The following RIMS1 variants were observed in gnomAD, a reference collection of about 807,000 sequenced individuals.
RIMS1 encodes regulating synaptic membrane exocytosis 1, also known as regulating synaptic membrane exocytosis protein 1.
Under a neutral mutation model 214.1 loss-of-function variants are expected in RIMS1, and 83 were observed. The observed-to-expected ratio is 0.39, with a 90% CI of 0.32 to 0.47. The LOEUF is 0.47. Among genes scored for constraint, RIMS1 ranks in the 20% least tolerant of loss-of-function variants. RIMS1 has a pLI of 0.99. For missense variants in RIMS1, 2,050 were observed against 2,161.8 expected, an observed-to-expected ratio of 0.95 and a Z score of 1.03; for synonymous variants, 793 against 786.8, an observed-to-expected ratio of 1.01 and a Z score of -0.13.
intron 1 of RIMS1, among the ~76,000 whole-genome samples, chr6:71,910,853 G>A (rs1776678884): frequency 6.6e-6 from 1 of 152,084 alleles, no homozygotes; most frequent in African/African-American, 2.4e-5. Context: ...CTACCTTTTG[G>A]CCTAGTAAAC....
chr6:72,345,673 C>CAGA (rs1027995832), intron 29 of RIMS1, among the ~76,000 whole-genome samples: 3 of 151,504 alleles, frequency 2.0e-5, no homozygotes, highest in African/African-American at 4.8e-5. Flanking sequence ...TGCCTTTTTT[C>CAGA]ACTTTAAAAA....
At chr6:72,004,646 CTT>C (rs1462894472) in intron 2 of RIMS1, among the ~76,000 whole-genome samples, 1 of 150,632 alleles carries the variant, frequency 6.6e-6, no homozygotes, top group Non-Finnish European at 1.5e-5. Context: ...TTTCATGTGT[CTT>C]TTGGCTGCAT....
At chr6:72,121,669 G>T (rs542537995) in intron 4 of RIMS1, among the ~76,000 whole-genome samples, 2 of 151,870 alleles carry the variant, frequency 1.3e-5, no homozygotes, top group South Asian at 4.2e-4. Flanking sequence ...GATTGCCCTG[G>T]TCAGAACTTC....
intron 2 of RIMS1, among the ~76,000 whole-genome samples, chr6:72,001,980 G>C (rs1240844287): frequency 6.6e-6 from 1 of 152,104 alleles, no homozygotes; most frequent in Non-Finnish European, 1.5e-5. Flanking sequence ...TATAATGTAA[G>C]CTGTTCAAAT....
intron 1 of RIMS1, among the ~76,000 whole-genome samples, chr6:71,963,342 A>G (rs778737233): frequency 2.8e-4 from 43 of 152,182 alleles, no homozygotes; most frequent in Non-Finnish European, 5.7e-4. Context: ...TCATCGGCCA[A>G]GTAGGAGAAT....
intron 2 of RIMS1, among the ~76,000 whole-genome samples, chr6:71,999,388 A>C (rs1804437179): frequency 6.6e-6 from 1 of 152,306 alleles, no homozygotes; most frequent in Middle Eastern, 3.4e-3. Flanking sequence ...CATAACATAC[A>C]TAGTCCTGGC....
intron 29 of RIMS1, among the ~76,000 whole-genome samples, chr6:72,363,659 A>G (rs9446629): frequency 0.02 from 3,001 of 152,310 alleles, 95 homozygotes; most frequent in African/African-American, 0.07. Context: ...CTGGAAACAT[A>G]CAAAAAAGAT....
At chr6:72,338,249 C>T (rs1435485938) in intron 29 of RIMS1, among the ~76,000 whole-genome samples, 1 of 151,746 alleles carries the variant, frequency 6.6e-6, no homozygotes, top group Non-Finnish European at 1.5e-5. Context: ...CTCTCCAGCA[C>T]CTGTTGTTTC....
At chr6:71,947,655 T>C (rs1788282347) in intron 1 of RIMS1, among the ~76,000 whole-genome samples, 1 of 152,104 alleles carries the variant, frequency 6.6e-6, no homozygotes, top group Non-Finnish European at 1.5e-5. Context: ...TTAATAACAA[T>C]ATATTGTATA....
At chr6:71,988,665 G>A (rs1429469183) in intron 2 of RIMS1, among the ~76,000 whole-genome samples, 1 of 152,138 alleles carries the variant, frequency 6.6e-6, no homozygotes, top group South Asian at 2.1e-4. Context: ...GAAAAGAATT[G>A]AGCATCTTCA....
At position 72,238,704 on chromosome 6, in the gene RIMS1, C is replaced by G. The variant is rs553038343; in HGVS notation, c.1957+782C>G. Reference sequence around the variant, plus strand: ...GTTAGATGGCTGTTTATGTATTTGCCAGACAACTATAAAGGAAACAGAGTT... The same window carrying G: ...GTTAGATGGCTGTTTATGTATTTGCGAGACAACTATAAAGGAAACAGAGTT... On this transcript the variant is annotated intron_variant, in intron 9 of 33. Coordinates refer to ENST00000521978, the MANE Select transcript of RIMS1 (RefSeq NM_014989.7). 2.6e-5 allele frequency among the ~76,000 whole-genome samples: 4 copies of G among 152,052 alleles called. No individual in the cohort carries two copies. In the South Asian group the frequency reaches 8.3e-4, roughly 32 times the overall value.
At chr6:72,211,803 T>A (rs1052572618) in intron 6 of RIMS1, among the ~76,000 whole-genome samples, 5 of 152,188 alleles carry the variant, frequency 3.3e-5, no homozygotes, top group African/African-American at 1.2e-4. Flanking sequence ...TAGGTTTTTA[T>A]CTGTACTTTC....
Position 72,154,642 on chromosome 6 carries a change from T to C in RIMS1, c.472-24933T>C, listed in dbSNP as rs1415110824. ...AGATAAGAGTACATTTGTGAGAATCTAGGAGTTCACTGAAGTTCCAGCACA... is the reference window on the plus strand; with the variant it reads ...AGATAAGAGTACATTTGTGAGAATCCAGGAGTTCACTGAAGTTCCAGCACA... On this transcript the variant is annotated intron_variant, in intron 4 of 33. Transcript: ENST00000521978. Among the ~76,000 whole-genome samples, 2 of 140,642 alleles carry C rather than the reference T, an allele frequency of 1.4e-5. 1 individual carries two copies. The highest frequency in any genetic ancestry group is 3.2e-5 in the Non-Finnish European group (2 of 61,884). The allele number at this position is 140,642 out of a possible 152,430, so 92.3% of individuals were successfully genotyped here. A position where few individuals can be genotyped will look rare whatever the true frequency, so the allele number is the denominator to read the frequency against.
At chr6:72,069,094 A>G (rs901466810) in intron 2 of RIMS1, among the ~76,000 whole-genome samples, 1 of 152,118 alleles carries the variant, frequency 6.6e-6, no homozygotes, top group African/African-American at 2.4e-5. Flanking sequence ...GGAGGCTAAC[A>G]ATGGTTGTAA....
intron 6 of RIMS1, among the ~76,000 whole-genome samples, chr6:72,215,090 G>A (rs1292545931): frequency 6.6e-6 from 1 of 152,180 alleles, no homozygotes; most frequent in Non-Finnish European, 1.5e-5. Context: ...GACAAAATGA[G>A]TATATTGGTT....
intron 26 of RIMS1, among the ~76,000 whole-genome samples, chr6:72,299,097 G>A (rs1431139568): frequency 1.3e-5 from 2 of 151,818 alleles, no homozygotes; most frequent in African/African-American, 4.8e-5. Flanking sequence ...CAGTTTTAAA[G>A]AGCCCATGAA....
chr6:72,098,148 T>C (rs1232018941), intron 3 of RIMS1, among the ~76,000 whole-genome samples: 1 of 152,194 alleles, frequency 6.6e-6, no homozygotes, highest in East Asian at 1.9e-4. Context: ...TCTTGATATT[T>C]CTCTATTTTG....
intron 9 of RIMS1, among the ~76,000 whole-genome samples, chr6:72,238,412 T>C (rs1202701262): frequency 6.6e-6 from 1 of 152,072 alleles, no homozygotes; most frequent in African/African-American, 2.4e-5. Context: ...ACATTTCTTA[T>C]ACAGATTGTA....
At chr6:72,359,483 T>A (rs1227677662) in intron 29 of RIMS1, among the ~76,000 whole-genome samples, 1 of 152,178 alleles carries the variant, frequency 6.6e-6, no homozygotes, top group Non-Finnish European at 1.5e-5. Flanking sequence ...TTGCTTTTTT[T>A]TTTTCTTTAA....
Sources: allele counts gnomAD v4.1 joint callset (sites outside exome capture counted in the v4.1 genomes callset), GRCh38; gene constraint gnomAD v4.1.1; transcripts MANE v1.5; gene names NCBI Gene and HGNC (gene_info 2026-07-23, HGNC 2026-07-21).